The following UBAC2 variants were observed in gnomAD, a reference collection of about 807,000 sequenced individuals.
UBAC2 encodes ubiquitin-associated domain-containing protein 2.
In UBAC2, 26 loss-of-function variants were observed where a neutral mutation model predicts 44.0. The ratio of observed to expected loss-of-function variants is 0.59; its 90% CI spans 0.43 to 0.82. The LOEUF (loss-of-function observed/expected upper bound fraction) is 0.82. Ranked by LOEUF, UBAC2 falls within the 40% of genes least tolerant of loss-of-function variation. The probability of loss-of-function intolerance (pLI) is 0.00; values close to 1 mark genes in which losing one functional copy is unlikely to be tolerated. For synonymous variants in UBAC2, 155 were observed against 154.3 expected (o/e 1.00, Z -0.04); for missense variants, 329 against 419.4 (o/e 0.78, Z 1.88).
intron 4 of UBAC2, among the ~76,000 whole-genome samples, chr13:99,302,063 A>G (rs563961913): frequency 6.6e-6 from 1 of 152,346 alleles, no homozygotes; most frequent in East Asian, 1.9e-4. Context: ...AGTCTTCTCT[A>G]GAGTCAGCTT....
At chr13:99,204,578 C>G (rs977886301) in intron 1 of UBAC2, among the ~76,000 whole-genome samples, 1 of 151,962 alleles carries the variant, frequency 6.6e-6, no homozygotes, top group African/African-American at 2.4e-5. Context: ...TGAGGAATGG[C>G]CAAGGAAGTA....
chr13:99,227,149 G>C (rs994951638), intron 1 of UBAC2, among the ~76,000 whole-genome samples: 1 of 150,826 alleles, frequency 6.6e-6, no homozygotes, highest in Admixed American at 6.6e-5. Context: ...AATGAGCCGA[G>C]ATTGTGCCAT....
chr13:99,284,750 A>G, intron 4 of UBAC2, among the ~76,000 whole-genome samples: 1 of 152,202 alleles, frequency 6.6e-6, no homozygotes, highest in South Asian at 2.1e-4. Context: ...ACTGTTCCTC[A>G]GTCTGTCTTG....
chr13:99,251,187 T>C (rs1339560037), intron 4 of UBAC2, among the ~76,000 whole-genome samples: 1 of 152,184 alleles, frequency 6.6e-6, no homozygotes, highest in African/African-American at 2.4e-5. Flanking sequence ...AAGTTATTGG[T>C]GTATAGAAAT....
rs907713662 is a variant in UBAC2, at chr13:99,340,439, C to T, written c.681C>T (p.Pro227=). Residue 227 remains proline (P), a synonymous_variant, in exon 7 of 9, where the codon CCC becomes CCT. Transcript: ENST00000403766. ...TLEPIFSSSE[P]TSEARIGMGA... ...AACCCATCTTCTCTTCTTCAGAACC[C>T]ACCAGCGAAGCCAGAATTGGGATGG... 2.5e-6 allele frequency: 4 copies of T among 1,614,092 alleles called. No homozygotes were observed. The African/African-American group carries it at 5.3e-5, about 22-fold the overall frequency.
At chr13:99,275,513 T>C (rs912707517) in intron 4 of UBAC2, among the ~76,000 whole-genome samples, 1 of 152,222 alleles carries the variant, frequency 6.6e-6, no homozygotes, top group African/African-American at 2.4e-5. Flanking sequence ...ATTTATAACC[T>C]ATTTTAAATT....
At chr13:99,227,467 T>C (rs1278590537) in intron 1 of UBAC2, among the ~76,000 whole-genome samples, 2 of 152,158 alleles carry the variant, frequency 1.3e-5, no homozygotes, top group African/African-American at 4.8e-5. Flanking sequence ...GGAAGTGACA[T>C]AGCTTTCATT....
At chr13:99,228,094 A>C (rs555326855) in intron 1 of UBAC2, among the ~76,000 whole-genome samples, 1 of 152,210 alleles carries the variant, frequency 6.6e-6, no homozygotes, top group East Asian at 1.9e-4. Context: ...AAGAGGAAGG[A>C]CTGACGGGGC....
intron 8 of UBAC2, among the ~76,000 whole-genome samples, chr13:99,369,598 TATG>T (rs1182361318): frequency 6.6e-6 from 1 of 152,218 alleles, no homozygotes; most frequent in East Asian, 1.9e-4. Flanking sequence ...CATTTCAACT[TATG>T]ATATTTTCAA....
intron 6 of UBAC2, among the ~76,000 whole-genome samples, chr13:99,335,275 A>G (rs953086015): frequency 5.9e-5 from 9 of 152,164 alleles, no homozygotes; most frequent in South Asian, 2.1e-4. Context: ...ACATTTTGCT[A>G]TCTTCTGCTG....
intron 4 of UBAC2, among the ~76,000 whole-genome samples, chr13:99,268,468 C>T (rs1038900752): frequency 1.3e-5 from 2 of 151,662 alleles, no homozygotes; most frequent in African/African-American, 4.8e-5. Context: ...ATTAGCCAGG[C>T]GTGGTGGCAT....
At chr13:99,321,069 A>G (rs952200854) in intron 6 of UBAC2, among the ~76,000 whole-genome samples, 1 of 152,250 alleles carries the variant, frequency 6.6e-6, no homozygotes, top group African/African-American at 2.4e-5. Context: ...ACATTTTAGT[A>G]TTGAAACCAG....
chr13:99,212,991 T>C (rs1162350915), intron 1 of UBAC2, among the ~76,000 whole-genome samples: 1 of 152,212 alleles, frequency 6.6e-6, no homozygotes, highest in Non-Finnish European at 1.5e-5. Context: ...CACATAATGA[T>C]TCCCACGCCC....
At chr13:99,259,089 T>A (rs1263755029) in intron 4 of UBAC2, among the ~76,000 whole-genome samples, 1 of 152,180 alleles carries the variant, frequency 6.6e-6, no homozygotes, top group East Asian at 1.9e-4. Context: ...TGGACTGATT[T>A]ACATATTAAG....
At chr13:99,232,405 GAT>G (rs145868043) in intron 1 of UBAC2, among the ~76,000 whole-genome samples, 22 of 117,830 alleles carry the variant, frequency 1.9e-4, no homozygotes, top group African/African-American at 4.8e-4. Context: ...GAGAGATATA[GAT>G]ATATATATAT....
At chr13:99,244,661 A>T (rs1314417072) in intron 4 of UBAC2, 37 bp downstream of exon 4, 1 of 1,246,522 alleles carries the variant, frequency 8.0e-7, no homozygotes. Context: ...ATTTAGAACT[A>T]CTTGAATCTG....
At chr13:99,296,249 T>C (rs2044171360) in intron 4 of UBAC2, 2 of 1,142,202 alleles carry the variant, frequency 1.8e-6, no homozygotes, top group Non-Finnish European at 2.4e-6. Context: ...GTTTAAATAA[T>C]GTATCAAAGC....
In UBAC2 at chr13:99,341,923, C is replaced by T. The variant is rs529872090; in HGVS notation, c.807+1358C>T. Among the ~76,000 whole-genome samples the T allele has an allele frequency of 9.2e-5, 14 of 152,228 alleles. No homozygotes were observed. In the South Asian group the frequency reaches 2.5e-3, roughly 27 times the overall value. On this transcript the variant is annotated intron_variant, in intron 7 of 8. Transcript: ENST00000403766. ...AATCTTAGATAGATGACTGATAGTT[C>T]CATTTCACCAATATCAAAAGAGCAG...
intron 1 of UBAC2, among the ~76,000 whole-genome samples, chr13:99,212,890 A>T (rs539577811): frequency 1.3e-5 from 2 of 152,332 alleles, no homozygotes; most frequent in Admixed American, 6.5e-5. Context: ...TTTTACCATT[A>T]TCTTTGTTTT....
Sources: allele counts gnomAD v4.1 joint callset (sites outside exome capture counted in the v4.1 genomes callset), GRCh38; gene constraint gnomAD v4.1.1; transcripts MANE v1.5; gene names NCBI Gene and HGNC (gene_info 2026-07-23, HGNC 2026-07-21).